IL2RA: variants seen among roughly 807,000 people sequenced by gnomAD.
IL2RA encodes the protein interleukin-2 receptor subunit alpha.
A neutral mutation model predicts 37.8 loss-of-function variants in IL2RA; 24 were observed. The ratio of observed to expected loss-of-function variants is 0.63; its 90% CI spans 0.46 to 0.89. The LOEUF (loss-of-function observed/expected upper bound fraction) is 0.89, where lower values mean the gene tolerates loss of function less well. IL2RA is among the 40% of genes least tolerant of loss of function. The pLI is 0.00. For synonymous variants in IL2RA, 125 were observed against 114.6 expected (o/e 1.09, Z -0.58); for missense variants, 319 against 348.6 (o/e 0.92, Z 0.68).
chr10:6,034,572 CCAAAATGTTGAAAT>C (rs1839650689), intron 1 of IL2RA, among the ~76,000 whole-genome samples: 1 of 152,020 alleles, frequency 6.6e-6, no homozygotes, highest in African/African-American at 2.4e-5. Flanking sequence ...TTATATGACT[CCAAAATGTTGAAAT>C]CATCTTTCCC....
At chr10:6,061,915 A>T (rs1398638395) in intron 1 of IL2RA, among the ~76,000 whole-genome samples, 173 bp downstream of exon 1, 1 of 152,220 alleles carries the variant, frequency 6.6e-6, no homozygotes, top group African/African-American at 2.4e-5. Context: ...TGACAGACCA[A>T]GGAACAGTGA....
Position 6,022,447 on chromosome 10 carries a change from C to A in IL2RA, c.368-754G>T, listed in dbSNP as rs1367655675. On this transcript the variant is annotated intron_variant, in intron 3 of 7. Transcript: ENST00000379959. The surrounding 1 kb of genome is among the most constrained non-coding windows in gnomAD (Gnocchi z 4.7). ...CTGATTAAATCTCTGAATTCCCCAC[C>A]CACAGCCCCCAACCTGGACATATGG... 6.6e-6 allele frequency among the ~76,000 whole-genome samples: 1 copy of A among 152,204 alleles called. No homozygotes were observed. Among genetic ancestry groups the A allele is most frequent in the Non-Finnish European group, 1.5e-5 (1 of 68,038 alleles).
Position 6,024,297 on chromosome 10 carries a change from T to C in IL2RA, c.314A>G (p.Lys105Arg). 1.2e-6 allele frequency: 2 copies of C among 1,614,212 alleles called. No individual in the cohort carries two copies. Among genetic ancestry groups the C allele is most frequent in the Non-Finnish European group, 1.7e-6 (2 of 1,180,014 alleles). Reference protein sequence around the residue: ...TPQPEEQKERKTTEMQSPMQP... With the variant: ...TPQPEEQKERRTTEMQSPMQP... ...CATTGGACTTTGCATTTCTGTGGTT[T>C]TCCTTTCTTTCTGTTCTTCAGGTTG... The change falls in exon 3 of 8, where the codon AAA (lysine) becomes AGA (arginine). Residue 105 changes from lysine (K) to arginine (R), a missense_variant. Transcript: ENST00000379959.
rs534286024 is a variant in IL2RA at position 6,033,044 on chromosome 10, G to A, written c.65-7019C>T. On this transcript the variant is annotated intron_variant, in intron 1 of 7. Transcript: ENST00000379959. This position sits in a 1 kb window ranked among gnomAD's most constrained non-coding sequence, Gnocchi z 4.3. ...ACTACCAGAACTCTCTTATGTTACTGGTGGCAGTGTAAGTAATGTAATTAC... is the reference window on the plus strand; with the variant it reads ...ACTACCAGAACTCTCTTATGTTACTAGTGGCAGTGTAAGTAATGTAATTAC... 6.6e-6 allele frequency among the ~76,000 whole-genome samples: 1 copy of A among 152,306 alleles called. No homozygotes were observed. Among genetic ancestry groups the A allele is most frequent in the East Asian group, 1.9e-4 (1 of 5,180 alleles).
At chr10:6,050,452 C>CATGGT (rs1223194487) in intron 1 of IL2RA, among the ~76,000 whole-genome samples, 2 of 152,154 alleles carry the variant, frequency 1.3e-5, no homozygotes, top group African/African-American at 4.8e-5. Context: ...GCCTGGCCAA[C>CATGGT]ATGGTCTCTA....
Position 6,044,877 on chromosome 10 carries a change from A to G in IL2RA, c.64+17211T>C, listed in dbSNP as rs1190185480. On this transcript the variant is annotated intron_variant, in intron 1 of 7. Coordinates refer to ENST00000379959, the MANE Select transcript of IL2RA (RefSeq NM_000417.3). The surrounding 1 kb of genome is among the most constrained non-coding windows in gnomAD (Gnocchi z 4.5). ...AGGTTCTGAATGAGTAGTTGAGTGT[A>G]TTAGCATTAGCACTGGTGCTGTTAC... Among the ~76,000 whole-genome samples the G allele has an allele frequency of 6.6e-6, 1 of 152,218 alleles. No individual in the cohort carries two copies. The highest frequency in any genetic ancestry group is 1.5e-5 in the Non-Finnish European group (1 of 68,038).
rs181357994 is a variant in IL2RA, at chr10:6,012,411, G to C, written c.*461C>G. The C allele has an allele frequency of 5.8e-6, 1 of 172,476 alleles. No individual in the cohort carries two copies. Among genetic ancestry groups the C allele is most frequent in the Non-Finnish European group, 1.3e-5 (1 of 79,914 alleles). 10.7% of individuals were successfully genotyped at this position (172,476 alleles called of 1,614,324 possible). A position where few individuals can be genotyped will look rare whatever the true frequency, so the allele number is the denominator to read the frequency against. On this transcript the variant is annotated 3_prime_UTR_variant, in exon 8 of 8. Coordinates refer to ENST00000379959, the MANE Select transcript of IL2RA (RefSeq NM_000417.3). This position sits in a 1 kb window ranked among gnomAD's most constrained non-coding sequence, Gnocchi z 4.8. ...CTGAGAAAGGAACCACGCAGACAAT[G>C]TCCAGTTGTATAGGGTAGAGTGTGT...
chr10:6,034,842 A>G (rs1367559914), intron 1 of IL2RA, among the ~76,000 whole-genome samples: 1 of 152,134 alleles, frequency 6.6e-6, no homozygotes, highest in Non-Finnish European at 1.5e-5. Context: ...AGCTCACACC[A>G]AGGGACCTGG....
At position 6,012,537 on chromosome 10, in the gene IL2RA, T is replaced by C. The variant is rs1050646874; in HGVS notation, c.*335A>G. On this transcript the variant is annotated 3_prime_UTR_variant, in exon 8 of 8. Coordinates refer to ENST00000379959, the MANE Select transcript of IL2RA (RefSeq NM_000417.3). The surrounding 1 kb of genome is among the most constrained non-coding windows in gnomAD (Gnocchi z 4.8). Reference sequence around the variant, plus strand: ...AACCTACTTTTCTTTATACTACATATAGGGTGGAGAGAGTTCCATACCATT... The same window carrying C: ...AACCTACTTTTCTTTATACTACATACAGGGTGGAGAGAGTTCCATACCATT... 2 of 433,112 alleles carry C rather than the reference T, an allele frequency of 4.6e-6. No homozygotes were observed. Among genetic ancestry groups the C allele is most frequent in the African/African-American group, 2.0e-5 (1 of 50,318 alleles). 26.8% of individuals were successfully genotyped at this position (433,112 alleles called of 1,614,324 possible).
intron 1 of IL2RA, among the ~76,000 whole-genome samples, chr10:6,051,517 A>ATTTT (rs1206402104): frequency 2.0e-5 from 2 of 100,866 alleles, no homozygotes; most frequent in South Asian, 2.9e-4. Flanking sequence ...ATATATATAT[A>ATTTT]TTTTTTTTCT....
chr10:6,053,912 G>T (rs1230869022), intron 1 of IL2RA, among the ~76,000 whole-genome samples: 4 of 152,226 alleles, frequency 2.6e-5, no homozygotes, highest in Admixed American at 6.5e-5. Flanking sequence ...CAGCGTGGGA[G>T]GAAAAAGCCT....
At chr10:6,059,635 G>A (rs78556477) in intron 1 of IL2RA, among the ~76,000 whole-genome samples, 3,514 of 152,184 alleles carry the variant, frequency 0.023, 208 homozygotes, top group East Asian at 0.2. Flanking sequence ...TTTCCAGTTT[G>A]AATTCCCCAT....
Position 6,019,482 on chromosome 10 carries a change from C to T in IL2RA, c.673G>A (p.Glu225Lys). 6.2e-7 allele frequency: 1 copy of T among 1,613,252 alleles called. No homozygotes were observed. The highest frequency in any genetic ancestry group is 8.5e-7 in the Non-Finnish European group (1 of 1,179,112). Reference sequence around the variant, plus strand: ...GACGTCTCCATGGTTGCAGCCATTTCTGTCTGTATTTGAAAATCTGTGAAA... The same window carrying T: ...GACGTCTCCATGGTTGCAGCCATTTTTGTCTGTATTTGAAAATCTGTGAAA... ...VTTTDFQIQT[E>K]MAATMETSIF... Residue 225 changes from glutamate to lysine, a missense_variant, in exon 6 of 8, where the codon GAA becomes AAA. By Grantham distance (56) the Glu-to-Lys change is moderately conservative. Transcript: ENST00000379959.
rs898146918 is a variant in IL2RA, at chr10:6,056,033, G to C, written c.64+6055C>G. 6.6e-6 allele frequency among the ~76,000 whole-genome samples: 1 copy of C among 152,172 alleles called. No individual in the cohort carries two copies. Among genetic ancestry groups the C allele is most frequent in the African/African-American group, 2.4e-5 (1 of 41,416 alleles). On this transcript the variant is annotated intron_variant, in intron 1 of 7. Transcript: ENST00000379959. This position sits in a 1 kb window ranked among gnomAD's most constrained non-coding sequence, Gnocchi z 5.0. ...TTTGACAGAAGCAAACCACGGAGTC[G>C]CCTTGAGATCAGTCAAAACACTGAG...
At chr10:6,024,581 T>G (rs1839448634) in intron 2 of IL2RA, among the ~76,000 whole-genome samples, 1 of 152,186 alleles carries the variant, frequency 6.6e-6, no homozygotes, top group African/African-American at 2.4e-5. Context: ...TTTGAGCGTG[T>G]GTATACGTGT....
In IL2RA at chr10:6,028,501, C is replaced by A. The variant is rs192080935; in HGVS notation, c.65-2476G>T. ...GACCTGCCCTTACAAAGATTAAAAC[C>A]AAGCCTAATAGACAAGAGGATGCGC... On this transcript the variant is annotated intron_variant, in intron 1 of 7. Coordinates refer to ENST00000379959, the MANE Select transcript of IL2RA (RefSeq NM_000417.3). The surrounding 1 kb of genome is among the most constrained non-coding windows in gnomAD (Gnocchi z 4.1). Among the ~76,000 whole-genome samples, 3 of 152,246 alleles carry A rather than the reference C, an allele frequency of 2.0e-5. No homozygotes were observed. Among genetic ancestry groups the A allele is most frequent in the Admixed American group, 6.5e-5 (1 of 15,300 alleles).
rs775152242 is a variant in IL2RA at position 6,019,852 on chromosome 10, G to A, written c.655+18C>T. The A allele has an allele frequency of 7.7e-5, 124 of 1,612,362 alleles. No homozygotes were observed. Among genetic ancestry groups the A allele is most frequent in the Non-Finnish European group, 8.4e-5 (99 of 1,178,456 alleles). On this transcript the variant is annotated intron_variant, in intron 5 of 7. Coordinates refer to ENST00000379959, the MANE Select transcript of IL2RA (RefSeq NM_000417.3). ...TTGGACTAGGCCTCTGTGGTCCAGC[G>A]TTTGTCTTCTCCCGCACCTGTTGTT...
chr10:6,043,143 G>T (rs1218703548), intron 1 of IL2RA, among the ~76,000 whole-genome samples: 2 of 152,074 alleles, frequency 1.3e-5, no homozygotes, highest in Non-Finnish European at 2.9e-5. Context: ...AATAAACTTG[G>T]CATTATCAAG....
In IL2RA at chr10:6,021,725, G is replaced by A. The variant is rs1839391037; in HGVS notation, c.368-32C>T. 1 of 1,593,750 alleles carries A rather than the reference G, an allele frequency of 6.3e-7. No individual in the cohort carries two copies. The highest frequency in any genetic ancestry group is 8.6e-7 in the Non-Finnish European group (1 of 1,161,910). On this transcript the variant is annotated intron_variant, in intron 3 of 7. Coordinates refer to ENST00000379959, the MANE Select transcript of IL2RA (RefSeq NM_000417.3). The surrounding 1 kb of genome is among the most constrained non-coding windows in gnomAD (Gnocchi z 4.9). ...GATGGAAGGAATGCTCTGAAGGCAA[G>A]TTGGGGACAGCACCGCGAGTGAGTC... is the stretch of plus-strand genomic sequence containing the variant.
Sources: allele counts gnomAD v4.1 joint callset (sites outside exome capture counted in the v4.1 genomes callset), GRCh38; gene constraint gnomAD v4.1.1; non-coding constraint Gnocchi (gnomAD v3.1); transcripts MANE v1.5; gene names NCBI Gene and HGNC (gene_info 2026-07-23, HGNC 2026-07-21).